Variants in RASGRF2 observed in about 807,000 individuals in gnomAD.
The protein encoded by RASGRF2 is Ras protein specific guanine nucleotide releasing factor 2.
A neutral mutation model predicts 151.0 loss-of-function variants in RASGRF2; 76 were observed. The observed-to-expected ratio is 0.50, with a 90% CI of 0.42 to 0.61. RASGRF2 has a LOEUF of 0.61. Ranked by LOEUF, RASGRF2 falls within the 20% of genes least tolerant of loss-of-function variation. RASGRF2 has a pLI of 0.00. For missense variants in RASGRF2, 1,148 were observed against 1,564.6 expected (o/e 0.73, Z 4.49); for synonymous variants, 504 against 566.5 (o/e 0.89, Z 1.57).
chr5:81,101,616 GTCTC>G (rs1273837308), intron 12 of RASGRF2, among the ~76,000 whole-genome samples: 2 of 151,672 alleles, frequency 1.3e-5, no homozygotes, highest in East Asian at 1.9e-4. Context: ...ATCTCTCTCT[GTCTC>G]TCTTTCTTTC....
chr5:81,038,829 G>T lies in RASGRF2; in HGVS notation c.289-4048G>T, dbSNP rs556416289. 1.1e-4 allele frequency among the ~76,000 whole-genome samples: 17 copies of T among 152,114 alleles called. No homozygotes were observed. The South Asian group carries it at 3.5e-3, about 32-fold the overall frequency. On this transcript the variant is annotated intron_variant, in intron 1 of 26. Coordinates refer to ENST00000265080, the MANE Select transcript of RASGRF2 (RefSeq NM_006909.3). ...GGACTCAAGCAGTCCTCCTGCCTTG[G>T]CTCCTCAAATTGCTGGGATTACAAG...
chr5:81,132,486 T>C (rs975695070), intron 17 of RASGRF2, among the ~76,000 whole-genome samples: 2 of 152,202 alleles, frequency 1.3e-5, no homozygotes, highest in African/African-American at 2.4e-5. Context: ...TTGTGTTTAG[T>C]ATCACTTTTT....
chr5:81,220,828 A>G (rs1755841965), intron 26 of RASGRF2, among the ~76,000 whole-genome samples: 1 of 152,146 alleles, frequency 6.6e-6, no homozygotes, highest in Non-Finnish European at 1.5e-5. Flanking sequence ...TTTACCTAAT[A>G]TCCTCTTTCT....
Position 81,042,464 on chromosome 5 carries a change from T to C in RASGRF2, c.289-413T>C, listed in dbSNP as rs16878353. On this transcript the variant is annotated intron_variant, in intron 1 of 26. Transcript: ENST00000265080. Reference sequence around the variant, plus strand: ...TGCTTCCCAGAATGGAGAATAGATATAGAATAGAACAGACAATAAAATTAG... The same window carrying C: ...TGCTTCCCAGAATGGAGAATAGATACAGAATAGAACAGACAATAAAATTAG... Among the ~76,000 whole-genome samples, 1,189 of 152,336 alleles carry C rather than the reference T, an allele frequency of 7.8e-3. 7 individuals carry two copies. Among genetic ancestry groups the C allele is most frequent in the South Asian group, 0.035 (167 of 4,828 alleles).
At chr5:81,162,433 C>T (rs529478742) in intron 17 of RASGRF2, among the ~76,000 whole-genome samples, 4 of 152,240 alleles carry the variant, frequency 2.6e-5, no homozygotes, top group East Asian at 1.9e-4. Context: ...TTGCAACCTC[C>T]GCCTCCCAGG....
intron 12 of RASGRF2, among the ~76,000 whole-genome samples, chr5:81,099,179 A>G (rs1231748238): frequency 6.6e-6 from 1 of 152,218 alleles, no homozygotes; most frequent in Non-Finnish European, 1.5e-5. Context: ...AAGTCTCCAC[A>G]ATCTTGCCAT....
intron 12 of RASGRF2, among the ~76,000 whole-genome samples, 167 bp from the exon 13 acceptor site, chr5:81,108,829 C>A (rs1237117839): frequency 8.1e-6 from 1 of 122,934 alleles, no homozygotes; most frequent in African/African-American, 3.0e-5. Context: ...TAATATTTAC[C>A]TACTCTGTGT....
chr5:81,192,759 C>G (rs1423103966), intron 18 of RASGRF2, among the ~76,000 whole-genome samples: 4 of 152,200 alleles, frequency 2.6e-5, no homozygotes, highest in Admixed American at 2.6e-4. Flanking sequence ...CTGTGTACCC[C>G]AGACCTGTCA....
chr5:81,095,056 AGTTTT>A, intron 12 of RASGRF2, 64 bp downstream of exon 12: 1 of 1,244,334 alleles, frequency 8.0e-7, no homozygotes, highest in Non-Finnish European at 1.1e-6. Context: ...TTTTGGAGAT[AGTTTT>A]TAGAGGTTTT....
At chr5:81,160,708 A>T (rs1387489085) in intron 17 of RASGRF2, among the ~76,000 whole-genome samples, 2 of 148,356 alleles carry the variant, frequency 1.3e-5, no homozygotes, top group Non-Finnish European at 3.0e-5. Flanking sequence ...AATAATAATA[A>T]TAATAATAAT....
chr5:81,131,610 C>G, intron 17 of RASGRF2, among the ~76,000 whole-genome samples: 1 of 151,746 alleles, frequency 6.6e-6, no homozygotes, highest in East Asian at 1.9e-4. Flanking sequence ...CTGCCTTGGC[C>G]TTCCAAAATG....
At chr5:81,139,692 G>T (rs10040163) in intron 17 of RASGRF2, among the ~76,000 whole-genome samples, 1 of 151,866 alleles carries the variant, frequency 6.6e-6, no homozygotes, top group African/African-American at 2.4e-5. Context: ...CTATACACTG[G>T]TGATGATATA....
chr5:81,206,695 A>C, intron 19 of RASGRF2, 150 bp from the exon 20 acceptor site: 1 of 660,498 alleles, frequency 1.5e-6, no homozygotes, highest in African/African-American at 1.8e-5. Context: ...GGGATTGCTC[A>C]TCTCCAGCTC....
chr5:81,076,389 G>A (rs1225738193), intron 5 of RASGRF2, among the ~76,000 whole-genome samples: 1 of 152,242 alleles, frequency 6.6e-6, no homozygotes, highest in African/African-American at 2.4e-5. Context: ...CATTAGCTGG[G>A]AGCATGGCAG....
intron 5 of RASGRF2, among the ~76,000 whole-genome samples, chr5:81,079,703 A>AT (rs1037485871): frequency 6.6e-6 from 1 of 151,770 alleles, no homozygotes; most frequent in African/African-American, 2.4e-5. Flanking sequence ...TTTGCTCTAG[A>AT]TTTTTTTCAA....
At chr5:81,049,599 G>A (rs1002678161) in intron 2 of RASGRF2, among the ~76,000 whole-genome samples, 1 of 152,018 alleles carries the variant, frequency 6.6e-6, no homozygotes, top group South Asian at 2.1e-4. Flanking sequence ...TGCTCTTCCT[G>A]TCTCGTCACT....
intron 1 of RASGRF2, chr5:80,997,295 GT>G (rs1192460618): frequency 2.0e-5 from 3 of 152,196 alleles, no homozygotes; most frequent in African/African-American, 7.2e-5. Context: ...AAATTAGAAT[GT>G]CTTCACTAAG....
intron 19 of RASGRF2, among the ~76,000 whole-genome samples, 185 bp downstream of exon 19, chr5:81,201,627 G>A (rs552654034): frequency 4.6e-5 from 7 of 152,252 alleles, no homozygotes; most frequent in East Asian, 3.9e-4. Context: ...AGGAAGACTC[G>A]GGACGGGGTG....
intron 2 of RASGRF2, among the ~76,000 whole-genome samples, chr5:81,043,461 G>A (rs1459401573): frequency 1.3e-5 from 2 of 152,096 alleles, no homozygotes; most frequent in African/African-American, 4.8e-5. Flanking sequence ...TGTGCACCTC[G>A]GTTATCAAAA....
Sources: allele counts gnomAD v4.1 joint callset (sites outside exome capture counted in the v4.1 genomes callset), GRCh38; gene constraint gnomAD v4.1.1; transcripts MANE v1.5; gene names NCBI Gene and HGNC (gene_info 2026-07-23, HGNC 2026-07-21).